TMEM156: variants seen among roughly 807,000 people sequenced by gnomAD.
TMEM156 encodes the protein transmembrane protein 156.
A neutral mutation model predicts 30.5 loss-of-function variants in TMEM156; 28 were observed. That is an observed-to-expected ratio of 0.92 (90% confidence interval 0.68 to 1.26). TMEM156 has a LOEUF of 1.26. TMEM156 is among the 50% of genes most tolerant of loss of function. The pLI, the probability that TMEM156 is intolerant of heterozygous loss-of-function variation, is 0.00. For missense variants in TMEM156, 351 were observed against 340.6 expected (o/e 1.03, Z -0.24); for synonymous variants, 137 against 119.9 (o/e 1.14, Z -0.93).
chr4:38,993,628 C>T (rs528199269), intron 3 of TMEM156, 110 bp downstream of exon 3: 1 of 841,368 alleles, frequency 1.2e-6, no homozygotes, highest in Non-Finnish European at 1.8e-6. Flanking sequence ...ATTATTTCAT[C>T]AGTAAAATTC....
chr4:38,994,633 C>T (rs1375090756), intron 2 of TMEM156, among the ~76,000 whole-genome samples: 6 of 152,060 alleles, frequency 3.9e-5, no homozygotes, highest in African/African-American at 7.2e-5. Context: ...TAACAAAGTA[C>T]CATAAACTGG....
Position 38,988,936 on chromosome 4 carries a change from A to T in TMEM156, c.654T>A (p.Ile218=). Residue 218 remains isoleucine (I), a synonymous_variant, in exon 4 of 7, where the codon ATT becomes ATA. Transcript: ENST00000381938. The part of the protein sequence containing the change: ...ITCSMKITWY[I]LVLLVFIFLI... ...AAAATATAAAAACTAATAGAACTAA[A>T]ATATACCAAGTGATCTTCATGGAAC... is the stretch of plus-strand genomic sequence containing the variant. 2 of 1,612,638 alleles carry T rather than the reference A, an allele frequency of 1.2e-6. No homozygotes were observed. The highest frequency in any genetic ancestry group is 1.7e-6 in the Non-Finnish European group (2 of 1,178,820).
chr4:38,967,199 A>G lies in TMEM156; in HGVS notation c.*481T>C, dbSNP rs979557499. On this transcript the variant is annotated 3_prime_UTR_variant, in exon 7 of 7. Transcript: ENST00000381938. ...AACAACCAGGCCCTCTTCCCTTTTA[A>G]ATAATCTGTGAAATAAAAATAATCT... 3.3e-5 allele frequency: 5 copies of G among 152,186 alleles called. No homozygotes were observed. The highest frequency in any genetic ancestry group is 1.2e-4 in the African/African-American group (5 of 41,446). 9.4% of individuals were successfully genotyped at this position (152,186 alleles called of 1,614,324 possible). A position where few individuals can be genotyped will look rare whatever the true frequency, so the allele number is the denominator to read the frequency against.
chr4:38,986,320 A>G lies in TMEM156; in HGVS notation c.823+16T>C. On this transcript the variant is annotated intron_variant, in intron 5 of 6. Transcript: ENST00000381938. ...ATTTCCTGAGTGCTGTTTTGTTTAC[A>G]TGCCACAGAACTTACCTGAAAGAAC... 6.2e-7 allele frequency: 1 copy of G among 1,601,678 alleles called. No individual in the cohort carries two copies.
At chr4:39,020,375 G>A (rs1714779219) in intron 1 of TMEM156, among the ~76,000 whole-genome samples, 2 of 152,150 alleles carry the variant, frequency 1.3e-5, no homozygotes, top group Non-Finnish European at 2.9e-5. Flanking sequence ...AATATAACCA[G>A]GAGTGGGATT....
intron 1 of TMEM156, among the ~76,000 whole-genome samples, chr4:39,021,494 A>G (rs1714865604): frequency 6.6e-6 from 1 of 152,200 alleles, no homozygotes; most frequent in South Asian, 2.1e-4. Context: ...CCATTTTTAA[A>G]TCAGGTTATT....
chr4:38,991,992 G>A (rs1368321940), intron 3 of TMEM156, among the ~76,000 whole-genome samples: 1 of 152,114 alleles, frequency 6.6e-6, no homozygotes, highest in Non-Finnish European at 1.5e-5. Context: ...AATTGCAGAG[G>A]TTATAGGGCC....
intron 2 of TMEM156, among the ~76,000 whole-genome samples, chr4:38,996,062 A>G (rs1219442399): frequency 6.6e-6 from 1 of 152,072 alleles, no homozygotes; most frequent in Non-Finnish European, 1.5e-5. Flanking sequence ...CACATCAGGA[A>G]CTCCTATAAC....
In TMEM156 at chr4:38,998,694, C is replaced by G. The variant is rs761420473; in HGVS notation, c.304G>C (p.Val102Leu). The G allele has an allele frequency of 2.5e-6, 4 of 1,613,454 alleles. No individual in the cohort carries two copies. The Admixed American group carries it at 5.0e-5, about 20-fold the overall frequency. The change falls in exon 2 of 7, where the codon GTT becomes CTT. Residue 102 changes from valine (V) to leucine (L), a missense_variant. Val to Leu is a conservative substitution (Grantham distance 32). Coordinates refer to ENST00000381938, the MANE Select transcript of TMEM156 (RefSeq NM_024943.3). ...GEFKMCSSCL[V>L]CESKGNMDFI... is the part of the protein sequence containing the mutation. ...TCCATGTTTCCTTTAGACTCACAAA[C>G]CAAACACGAGGAGCACATTTTAAAT...
rs556049129 is a variant in TMEM156 at position 39,030,595 on chromosome 4, G to A, written c.88+1631C>T. Among the ~76,000 whole-genome samples, 8 of 152,236 alleles carry A rather than the reference G, an allele frequency of 5.3e-5. No individual in the cohort carries two copies. In the East Asian group the frequency reaches 1.5e-3, roughly 29 times the overall value. On this transcript the variant is annotated intron_variant, in intron 1 of 6. Transcript: ENST00000381938. The stretch of plus-strand genomic sequence containing the variant: ...AAGAACTACATGTCTGCCCCAAAAT[G>A]AAAACCTTTAACATGCTCCTGTAGT...
intron 1 of TMEM156, among the ~76,000 whole-genome samples, chr4:39,019,070 T>C (rs1216718937): frequency 6.6e-6 from 1 of 151,720 alleles, no homozygotes; most frequent in Non-Finnish European, 1.5e-5. Flanking sequence ...TTTCATGCTC[T>C]GCAGAATTTC....
intron 5 of TMEM156, among the ~76,000 whole-genome samples, chr4:38,983,815 T>A (rs1711756934): frequency 6.6e-6 from 1 of 152,260 alleles, no homozygotes; most frequent in African/African-American, 2.4e-5. Flanking sequence ...TTTAATAAAG[T>A]GGAATTCTAT....
At chr4:38,999,776 C>T (rs2109981569) in intron 1 of TMEM156, among the ~76,000 whole-genome samples, 1 of 152,290 alleles carries the variant, frequency 6.6e-6, no homozygotes, top group East Asian at 1.9e-4. Context: ...CCACATCACT[C>T]TAATCTCTGT....
intron 1 of TMEM156, among the ~76,000 whole-genome samples, chr4:39,031,902 A>AC (rs1560391538): frequency 5.9e-5 from 7 of 118,612 alleles, no homozygotes; most frequent in Non-Finnish European, 1.1e-4. Flanking sequence ...AAAAAATAAA[A>AC]AAATAAAAAA....
intron 2 of TMEM156, 39 bp downstream of exon 2, chr4:38,998,601 C>A: frequency 6.5e-7 from 1 of 1,545,010 alleles, no homozygotes; most frequent in Non-Finnish European, 8.7e-7. Flanking sequence ...TTAATTTATA[C>A]CTGATACCAT....
chr4:39,024,084 G>C (rs1040680232), intron 1 of TMEM156, among the ~76,000 whole-genome samples: 1 of 152,192 alleles, frequency 6.6e-6, no homozygotes, highest in African/African-American at 2.4e-5. Context: ...CGCCCAGGCT[G>C]CCATGAAGTG....
intron 3 of TMEM156, among the ~76,000 whole-genome samples, chr4:38,993,255 C>A (rs12648959): frequency 0.36 from 53,787 of 151,366 alleles, 10,120 homozygotes; most frequent in East Asian, 0.64. Context: ...CATGACAAGA[C>A]CCCGTCTCTA....
At chr4:38,985,522 G>A (rs1711916512) in intron 5 of TMEM156, among the ~76,000 whole-genome samples, 1 of 152,196 alleles carries the variant, frequency 6.6e-6, no homozygotes, top group South Asian at 2.1e-4. Flanking sequence ...CAGCTGTAGG[G>A]TGGGGGACTG....
chr4:39,030,179 TAA>T (rs5857658), intron 1 of TMEM156, among the ~76,000 whole-genome samples: 3 of 144,138 alleles, frequency 2.1e-5, no homozygotes, highest in Admixed American at 7.0e-5. Context: ...CCCTGTCTCT[TAA>T]AAAAAAAAAA....
Sources: gnomAD v4.1 joint callset for allele counts (sites outside exome capture counted in the v4.1 genomes callset) on GRCh38, gnomAD v4.1.1 for gene constraint, MANE v1.5 for transcripts, NCBI Gene and HGNC (gene_info 2026-07-23, HGNC 2026-07-21) for gene names.